PHLDB2: variants seen among roughly 807,000 people sequenced by gnomAD.
PHLDB2 encodes pleckstrin homology like domain family B member 2, also known as pleckstrin homology-like domain family B member 2.
Under a neutral mutation model 123.6 loss-of-function variants are expected in PHLDB2, and 71 were observed. That is an observed-to-expected ratio of 0.57 (90% CI 0.47 to 0.70). The LOEUF (loss-of-function observed/expected upper bound fraction) is 0.70. PHLDB2 is among the 30% of genes least tolerant of loss of function. PHLDB2 has a pLI of 0.00. For synonymous variants in PHLDB2, 547 were observed against 541.6 expected (o/e 1.01, Z -0.14); for missense variants, 1,446 against 1,519.5 (o/e 0.95, Z 0.80).
chr3:111,894,016 C>T (rs1373060439), intron 2 of PHLDB2, among the ~76,000 whole-genome samples: 1 of 145,060 alleles, frequency 6.9e-6, no homozygotes, highest in Non-Finnish European at 1.5e-5. Context: ...CCCACTAACT[C>T]GTCATCTAGC....
At chr3:111,911,757 T>C in intron 2 of PHLDB2, 1 of 1,511,758 alleles carries the variant, frequency 6.6e-7, no homozygotes, top group Non-Finnish European at 8.9e-7. Flanking sequence ...TTATTAGTCC[T>C]TTTGATCAAG....
intron 13 of PHLDB2, among the ~76,000 whole-genome samples, chr3:111,962,622 C>T (rs2071473161): frequency 6.6e-6 from 1 of 152,154 alleles, no homozygotes; most frequent in Non-Finnish European, 1.5e-5. Context: ...GCTTCACTTA[C>T]ACTGCTTTTG....
intron 13 of PHLDB2, among the ~76,000 whole-genome samples, chr3:111,965,128 A>T (rs945560880): frequency 6.6e-6 from 1 of 152,162 alleles, no homozygotes; most frequent in African/African-American, 2.4e-5. Flanking sequence ...AAATTAAAAG[A>T]TTTCTTTCCC....
chr3:111,974,459 C>G lies in PHLDB2; in HGVS notation c.3658C>G (p.His1220Asp). The change falls in exon 18 of 18, where the codon CAT becomes GAT. Residue 1220 changes from histidine to aspartate, a missense_variant. Physicochemically the swap from His to Asp is moderately conservative, Grantham distance 81 (BLOSUM62 -1). Around this residue, in one of 3 missense-constraint regions of PHLDB2, gnomAD observed 594 missense variants for 646.0 expected, o/e 0.92. Transcript: ENST00000431670. ...GTTACTCACCTTTAGCGTCAAGACT[C>G]ATGACAGAATCTATTATATGGTAGC... Reference protein sequence around the residue: ...NPLLTFSVKTHDRIYYMVAPS... With the variant: ...NPLLTFSVKTDDRIYYMVAPS... 6.2e-7 allele frequency: 1 copy of G among 1,613,114 alleles called. No individual in the cohort carries two copies. Among genetic ancestry groups the G allele is most frequent in the Admixed American group, 1.7e-5 (1 of 59,942 alleles).
In PHLDB2 at chr3:111,902,892, C is replaced by G. The variant is rs1577044160; in HGVS notation, c.1336-10427C>G. Among the ~76,000 whole-genome samples, 3 of 152,212 alleles carry G rather than the reference C, an allele frequency of 2.0e-5. No individual in the cohort carries two copies. In the East Asian group the frequency reaches 5.8e-4, roughly 29 times the overall value. ...GGCCTCAAGTGATCCCCTACCTTGG[C>G]CTCCCAAAGTGCTGGGATTATCGGT... On this transcript the variant is annotated intron_variant, in intron 2 of 17. Coordinates refer to ENST00000431670, the MANE Select transcript of PHLDB2 (RefSeq NM_001134438.2).
chr3:111,848,318 C>T (rs1237405613), intron 2 of PHLDB2, among the ~76,000 whole-genome samples: 2 of 152,190 alleles, frequency 1.3e-5, no homozygotes, highest in East Asian at 3.8e-4. Context: ...CGCCACCTGC[C>T]ACTAGGGATC....
At chr3:111,876,049 TC>T (rs2065598479) in intron 1 of PHLDB2, among the ~76,000 whole-genome samples, 1 of 152,124 alleles carries the variant, frequency 6.6e-6, no homozygotes, top group South Asian at 2.1e-4. Flanking sequence ...TGTGATTTCT[TC>T]CAGTCCATTG....
intron 1 of PHLDB2, among the ~76,000 whole-genome samples, chr3:111,870,822 A>T (rs548393516): frequency 6.6e-6 from 1 of 152,258 alleles, no homozygotes; most frequent in East Asian, 1.9e-4. Context: ...CTTATTGTAA[A>T]CATCAGTGCT....
In PHLDB2 at chr3:111,973,760, A is replaced by G; in HGVS notation, c.3564A>G (p.Val1188=). The change falls in exon 17 of 18, where the codon GTA becomes GTG. Residue 1188 remains valine (V), a synonymous_variant. Coordinates refer to ENST00000431670, the MANE Select transcript of PHLDB2 (RefSeq NM_001134438.2). ...AGCATGAAACTAAATTGAAAGGAGTAATATACTTTCAAGCCATTGAAGAAG... is the reference window on the plus strand; with the variant it reads ...AGCATGAAACTAAATTGAAAGGAGTGATATACTTTCAAGCCATTGAAGAAG... The part of the protein sequence containing the change: ...ADKHETKLKG[V]IYFQAIEEVY... 2 of 1,603,486 alleles carry G rather than the reference A, an allele frequency of 1.2e-6. No homozygotes were observed. The highest frequency in any genetic ancestry group is 1.7e-6 in the Non-Finnish European group (2 of 1,172,828).
At chr3:111,874,065 A>G (rs1252868115) in intron 1 of PHLDB2, among the ~76,000 whole-genome samples, 1 of 152,146 alleles carries the variant, frequency 6.6e-6, no homozygotes, top group African/African-American at 2.4e-5. Context: ...TGTTTGTTGG[A>G]TGTACCAGTG....
At chr3:111,928,425 T>C (rs1004922033) in intron 5 of PHLDB2, among the ~76,000 whole-genome samples, 2 of 152,158 alleles carry the variant, frequency 1.3e-5, no homozygotes, top group Non-Finnish European at 2.9e-5. Context: ...CCTGGAGAGA[T>C]TTTAAAATGC....
Position 111,974,653 on chromosome 3 carries a change from C to A in PHLDB2, c.*90C>A. 7.7e-7 allele frequency: 1 copy of A among 1,297,424 alleles called. No homozygotes were observed. Among genetic ancestry groups the A allele is most frequent in the Non-Finnish European group, 1.0e-6 (1 of 982,886 alleles). The allele number at this position is 1,297,424 out of a possible 1,614,324, so 80.4% of individuals were successfully genotyped here. A position where few individuals can be genotyped will look rare whatever the true frequency, so the allele number is the denominator to read the frequency against. ...TTCAACCCCAGATGAGAAAACCCAA[C>A]AGATCCATCCCTTGAGCTGTAAACA... On this transcript the variant is annotated 3_prime_UTR_variant, in exon 18 of 18. Coordinates refer to ENST00000431670, the MANE Select transcript of PHLDB2 (RefSeq NM_001134438.2).
At chr3:111,753,107 G>C (rs985084257) in intron 1 of PHLDB2, among the ~76,000 whole-genome samples, 1 of 151,786 alleles carries the variant, frequency 6.6e-6, no homozygotes, top group African/African-American at 2.4e-5. Flanking sequence ...CGCAATAAAC[G>C]TATGTGTGCA....
chr3:111,884,398 T>C lies in PHLDB2; in HGVS notation c.321T>C (p.Pro107=), dbSNP rs747926788. The C allele has an allele frequency of 5.8e-5, 94 of 1,613,942 alleles. No homozygotes were observed. The highest frequency in any genetic ancestry group is 7.5e-5 in the Non-Finnish European group (89 of 1,179,998). The part of the protein sequence containing the change: ...DGTDKNIPMK[P]PTPLLNTTSS... The stretch of plus-strand genomic sequence containing the variant: ...CTGACAAAAATATTCCTATGAAACC[T>C]CCAACTCCTTTACTCAACACTACAT... The change falls in exon 2 of 18, where the codon CCT becomes CCC. Residue 107 remains proline, a synonymous_variant. Coordinates refer to ENST00000431670, the MANE Select transcript of PHLDB2 (RefSeq NM_001134438.2).
At chr3:111,772,065 C>CAA (rs35909709) in intron 1 of PHLDB2, among the ~76,000 whole-genome samples, 53 of 151,572 alleles carry the variant, frequency 3.5e-4, no homozygotes, top group Non-Finnish European at 5.5e-4. Flanking sequence ...TTCTGCTCCT[C>CAA]AAAAAAAAGA....
chr3:111,829,032 A>C (rs1180158826), intron 1 of PHLDB2, among the ~76,000 whole-genome samples: 1 of 152,214 alleles, frequency 6.6e-6, no homozygotes, highest in Non-Finnish European at 1.5e-5. Flanking sequence ...ATAAATGTTG[A>C]CAATGTTTTT....
intron 10 of PHLDB2, among the ~76,000 whole-genome samples, chr3:111,951,861 G>T (rs1329652719): frequency 1.3e-5 from 2 of 152,116 alleles, no homozygotes; most frequent in African/African-American, 4.8e-5. Context: ...CCCATCACTT[G>T]AACAGGAAAT....
intron 1 of PHLDB2, among the ~76,000 whole-genome samples, chr3:111,797,408 T>C (rs184549929): frequency 6.4e-4 from 97 of 152,348 alleles, no homozygotes; most frequent in African/African-American, 2.3e-3. Context: ...ACCATCTCAC[T>C]TTCCTAATTC....
In PHLDB2 at chr3:111,849,678, G is replaced by T. The variant is rs563899992; in HGVS notation, c.67+3743G>T. The stretch of plus-strand genomic sequence containing the variant: ...TTAGTTCTTGTCATTATACAAAATA[G>T]ACACTTGCACATATATTTTATAGCA... On this transcript the variant is annotated intron_variant, in intron 2 of 17. Coordinates refer to the PHLDB2 transcript ENST00000393923. Among the ~76,000 whole-genome samples the T allele has an allele frequency of 7.9e-5, 12 of 152,214 alleles. No individual in the cohort carries two copies. The South Asian group carries it at 2.3e-3, about 29-fold the overall frequency.
Sources: gnomAD v4.1 joint callset for allele counts (sites outside exome capture counted in the v4.1 genomes callset) on GRCh38, gnomAD v4.1.1 for gene constraint, gnomAD v4.1.1 regional missense constraint, MANE v1.5 for transcripts, NCBI Gene and HGNC (gene_info 2026-07-23, HGNC 2026-07-21) for gene names.